Variants in RELN observed in about 807,000 individuals in gnomAD.
The protein encoded by RELN is reelin.
In RELN, 108 loss-of-function variants were observed where a neutral mutation model predicts 427.6. The ratio of observed to expected loss-of-function variants is 0.25; its 90% confidence interval spans 0.22 to 0.30. The LOEUF is 0.30. Ranked by LOEUF, RELN falls within the 10% of genes least tolerant of loss-of-function variation. The pLI, the probability that RELN is intolerant of heterozygous loss-of-function variation, is 1.00. For synonymous variants in RELN, 1,524 were observed against 1,513.4 expected, an observed-to-expected ratio of 1.01 and a Z score of -0.16; for missense variants, 3,715 against 4,302.8, an observed-to-expected ratio of 0.86 and a Z score of 3.82.
At chr7:103,917,322 TG>T in intron 1 of RELN, 137 bp from the exon 2 acceptor site, 2 of 711,992 alleles carry the variant, frequency 2.8e-6, no homozygotes, top group South Asian at 3.5e-5. Context: ...TGGTATTTTT[TG>T]TATGAGAAAT....
intron 28 of RELN, among the ~76,000 whole-genome samples, chr7:103,582,023 T>C (rs1831162918): frequency 6.6e-6 from 1 of 152,164 alleles, no homozygotes; most frequent in Admixed American, 6.5e-5. Flanking sequence ...ACTAAGCAAA[T>C]ATAATCCTAG....
intron 3 of RELN, among the ~76,000 whole-genome samples, chr7:103,813,155 AC>A (rs1181175552): frequency 6.6e-6 from 1 of 151,968 alleles, no homozygotes; most frequent in Admixed American, 6.6e-5. Flanking sequence ...GTTACTGGAA[AC>A]CCTTTCTCTT....
intron 3 of RELN, among the ~76,000 whole-genome samples, chr7:103,796,091 T>G (rs1386972349): frequency 2.0e-5 from 3 of 152,212 alleles, no homozygotes; most frequent in Admixed American, 2.0e-4. Flanking sequence ...TTTTAAACTC[T>G]TTATATAATT....
Position 103,681,202 on chromosome 7 carries a change from C to T in RELN, c.1289+914G>A, listed in dbSNP as rs376176229. 2.6e-5 allele frequency among the ~76,000 whole-genome samples: 4 copies of T among 152,144 alleles called. No individual in the cohort carries two copies. The East Asian group carries it at 7.7e-4, about 29-fold the overall frequency. Reference sequence around the variant, plus strand: ...ATTGGGTCTGAATGGAGTTCTTGGGCAAGGCACAGGACAGGGAGCGCAAAA... The same window carrying T: ...ATTGGGTCTGAATGGAGTTCTTGGGTAAGGCACAGGACAGGGAGCGCAAAA... On this transcript the variant is annotated intron_variant, in intron 11 of 64. Transcript: ENST00000428762.
chr7:103,709,271 T>C (rs1789729572), intron 8 of RELN, among the ~76,000 whole-genome samples: 1 of 152,168 alleles, frequency 6.6e-6, no homozygotes, highest in South Asian at 2.1e-4. Context: ...TGGCACCAAG[T>C]ATTATCTGGG....
At chr7:103,478,573 A>ACCG (rs1262310815) in intron 63 of RELN, 179 bp from the exon 64 acceptor site, 1 of 629,734 alleles carries the variant, frequency 1.6e-6, no homozygotes, top group East Asian at 2.9e-5. Flanking sequence ...TTCTATACCC[A>ACCG]AGATCTACAT....
intron 8 of RELN, among the ~76,000 whole-genome samples, chr7:103,716,373 T>G (rs116494445): frequency 0.042 from 6,360 of 152,276 alleles, 205 homozygotes; most frequent in African/African-American, 0.085. Flanking sequence ...TCTCAAAGAT[T>G]GGGGCAGCGT....
chr7:103,576,399 C>T (rs1027542859), intron 28 of RELN, among the ~76,000 whole-genome samples: 1 of 152,166 alleles, frequency 6.6e-6, no homozygotes, highest in Non-Finnish European at 1.5e-5. Context: ...CTCAGCCTCC[C>T]AAAGTACTGG....
chr7:103,954,663 A>G (rs1202645970), intron 1 of RELN, among the ~76,000 whole-genome samples: 2 of 152,224 alleles, frequency 1.3e-5, no homozygotes, highest in African/African-American at 2.4e-5. Flanking sequence ...CATGGAATCT[A>G]TAAGAAGTAT....
chr7:103,989,007 T>C lies in RELN; in HGVS notation c.226+124A>G. On this transcript the variant is annotated intron_variant, in intron 1 of 64. Coordinates refer to ENST00000428762, the MANE Select transcript of RELN (RefSeq NM_005045.4). The surrounding 1 kb of genome is among the most constrained non-coding windows in gnomAD (Gnocchi z 4.9). ...ATTCTCGCTCCCTGGACCAAGCGCA[T>C]CGCTGGGGCCAGGGTTGTCATGGTT... 1 of 844,288 alleles carries C rather than the reference T, an allele frequency of 1.2e-6. No individual in the cohort carries two copies. 52.3% of individuals were successfully genotyped at this position (844,288 alleles called of 1,614,324 possible).
At chr7:103,920,405 T>C (rs1166462110) in intron 1 of RELN, among the ~76,000 whole-genome samples, 1 of 152,156 alleles carries the variant, frequency 6.6e-6, no homozygotes, top group East Asian at 1.9e-4. Context: ...AAATCCTTCA[T>C]GCCCTTTCCA....
intron 2 of RELN, among the ~76,000 whole-genome samples, chr7:103,914,459 T>G (rs1584362254): frequency 6.6e-6 from 1 of 152,154 alleles, no homozygotes; most frequent in Admixed American, 6.5e-5. Flanking sequence ...ACTGGTTTTT[T>G]CTTTTTTTGC....
rs185276911 is a variant in RELN at position 103,837,342 on chromosome 7, A to G, written c.338-3670T>C. Among the ~76,000 whole-genome samples the G allele has an allele frequency of 6.0e-3, 921 of 152,308 alleles. 18 individuals carry two copies. The highest frequency in any genetic ancestry group is 0.021 in the African/African-American group (887 of 41,550). The stretch of plus-strand genomic sequence containing the variant: ...CTTAGCATCAGTTAGAAGGTTTGGG[A>G]AAATCTGACCCCTACTTGCTCTCCC... On this transcript the variant is annotated intron_variant, in intron 2 of 64. Coordinates refer to ENST00000428762, the MANE Select transcript of RELN (RefSeq NM_005045.4).
intron 16 of RELN, among the ~76,000 whole-genome samples, chr7:103,643,474 G>A (rs768345853): frequency 6.6e-6 from 1 of 152,018 alleles, no homozygotes; most frequent in Non-Finnish European, 1.5e-5. Flanking sequence ...CTAAGAAACT[G>A]AATTTGTCAG....
At chr7:103,815,572 A>C (rs899271345) in intron 3 of RELN, among the ~76,000 whole-genome samples, 6 of 152,220 alleles carry the variant, frequency 3.9e-5, no homozygotes, top group African/African-American at 1.4e-4. Flanking sequence ...ACATTTTGAC[A>C]ATTTTATATT....
chr7:103,780,096 A>G (rs914668618), intron 3 of RELN, among the ~76,000 whole-genome samples: 1 of 152,162 alleles, frequency 6.6e-6, no homozygotes, highest in African/African-American at 2.4e-5. Context: ...GGCTAAAGCC[A>G]TTTTAGTTAA....
rs147427712 is a variant in RELN, at chr7:103,968,443, G to A, written c.226+20688C>T. On this transcript the variant is annotated intron_variant, in intron 1 of 64. Transcript: ENST00000428762. This position sits in a 1 kb window ranked among gnomAD's most constrained non-coding sequence, Gnocchi z 4.3. Reference sequence around the variant, plus strand: ...GACATCAGGTCTGCAGGCACCATGCGTTGCTACTGAGGACTAACTGGTGGC... The same window carrying A: ...GACATCAGGTCTGCAGGCACCATGCATTGCTACTGAGGACTAACTGGTGGC... Among the ~76,000 whole-genome samples the A allele has an allele frequency of 3.6e-3, 548 of 152,186 alleles. 5 individuals are homozygous for A. The highest frequency in any genetic ancestry group is 0.012 in the African/African-American group (490 of 41,520).
intron 3 of RELN, among the ~76,000 whole-genome samples, chr7:103,800,060 C>T (rs1792407145): frequency 6.6e-6 from 1 of 152,138 alleles, no homozygotes. Context: ...GGAAGCGTTC[C>T]CTTTGAAAAC....
rs779087144 is a variant in RELN at position 103,594,306 on chromosome 7, G to A, written c.3711+15C>T. The A allele has an allele frequency of 2.5e-6, 4 of 1,609,650 alleles. No individual in the cohort carries two copies. In the South Asian group the frequency reaches 3.3e-5, roughly 13 times the overall value. ...TAATTATCTGTCTTCTTGGAGTTCAGACATAGGAGAATACCTGAGGTAAAG... is the reference window on the plus strand; with the variant it reads ...TAATTATCTGTCTTCTTGGAGTTCAAACATAGGAGAATACCTGAGGTAAAG... On this transcript the variant is annotated intron_variant, in intron 26 of 64. Transcript: ENST00000428762.
Sources: allele counts gnomAD v4.1 joint callset (sites outside exome capture counted in the v4.1 genomes callset), GRCh38; gene constraint gnomAD v4.1.1; non-coding constraint Gnocchi (gnomAD v3.1); transcripts MANE v1.5; gene names NCBI Gene and HGNC (gene_info 2026-07-23, HGNC 2026-07-21).